RAD50: variants seen among roughly 807,000 people sequenced by gnomAD.
The protein encoded by RAD50 is RAD50 double strand break repair protein, also known as DNA repair protein RAD50.
Under a neutral mutation model 168.8 loss-of-function variants are expected in RAD50, and 132 were observed. That is an observed-to-expected ratio of 0.78 (90% CI 0.68 to 0.90). The LOEUF (loss-of-function observed/expected upper bound fraction) is 0.90, where lower values mean the gene tolerates loss of function less well. RAD50 is among the 40% of genes least tolerant of loss of function. The pLI is 0.00. For missense variants in RAD50, 1,347 were observed against 1,534.4 expected, an observed-to-expected ratio of 0.88 and a Z score of 2.04; for synonymous variants, 525 against 497.4, an observed-to-expected ratio of 1.06 and a Z score of -0.74.
At chr5:132,616,893 A>G (rs1751186971) in intron 20 of RAD50, among the ~76,000 whole-genome samples, 2 of 152,228 alleles carry the variant, frequency 1.3e-5, no homozygotes, top group Non-Finnish European at 2.9e-5. Context: ...AGGCTTTTCT[A>G]AAGGATATAG....
chr5:132,595,802 G>A lies in RAD50; in HGVS notation c.2199G>A (p.Val733=). The A allele has an allele frequency of 6.2e-7, 1 of 1,602,596 alleles. No homozygotes were observed. The highest frequency in any genetic ancestry group is 8.5e-7 in the Non-Finnish European group (1 of 1,172,964). The part of the protein sequence containing the change: ...EKRRDEMLGL[V]PMRQSIIDLK... ...GGCGTGATGAAATGCTGGGACTTGT[G>A]CCCATGAGGTAAGAATGGGATTTAC... is the stretch of plus-strand genomic sequence containing the variant. The change falls in exon 13 of 25, where the codon GTG becomes GTA. Residue 733 remains valine, a synonymous_variant. Transcript: ENST00000378823.
intron 11 of RAD50, chr5:132,593,266 A>G (rs1454723416): frequency 5.9e-6 from 1 of 169,764 alleles, no homozygotes; most frequent in African/African-American, 2.4e-5. Flanking sequence ...GGCTCTTTTC[A>G]AACTGATGTC....
intron 13 of RAD50, among the ~76,000 whole-genome samples, chr5:132,596,849 G>T (rs920476276): frequency 1.3e-5 from 2 of 152,214 alleles, no homozygotes; most frequent in African/African-American, 2.4e-5. Context: ...TGAGAATGAG[G>T]CAGGAAGAGG....
chr5:132,561,768 C>T (rs957872284), intron 2 of RAD50, among the ~76,000 whole-genome samples: 1 of 152,174 alleles, frequency 6.6e-6, no homozygotes, highest in African/African-American at 2.4e-5. Flanking sequence ...CCTACATTCT[C>T]AGCTCTGTTA....
intron 2 of RAD50, among the ~76,000 whole-genome samples, chr5:132,572,746 A>G (rs6884249): frequency 0.011 from 1,610 of 152,326 alleles, 34 homozygotes; most frequent in African/African-American, 0.037. Flanking sequence ...TTGAGCAGAA[A>G]GTACAGTTTC....
In RAD50 at chr5:132,642,882, T is replaced by C; in HGVS notation, c.*518T>C. The C allele has an allele frequency of 2.5e-6, 1 of 400,746 alleles. No homozygotes were observed. Among genetic ancestry groups the C allele is most frequent in the South Asian group, 2.3e-5 (1 of 44,288 alleles). 24.8% of individuals were successfully genotyped at this position (400,746 alleles called of 1,614,324 possible). The stretch of plus-strand genomic sequence containing the variant: ...TTATAAATCCAGTGACCTCTCTCTC[T>C]GGGACTTGGTTTCCCCAACTAAAAT... On this transcript the variant is annotated 3_prime_UTR_variant, in exon 25 of 25. Transcript: ENST00000378823.
chr5:132,598,017 G>A (rs925992558), intron 13 of RAD50, among the ~76,000 whole-genome samples: 7 of 151,014 alleles, frequency 4.6e-5, no homozygotes, highest in East Asian at 1.9e-4. Context: ...AATTAACATC[G>A]TATTATATTT....
intron 21 of RAD50, among the ~76,000 whole-genome samples, chr5:132,631,224 G>A (rs758627766): frequency 4.0e-5 from 6 of 150,064 alleles, no homozygotes; most frequent in East Asian, 2.0e-4. Context: ...AGGTTCAAGC[G>A]ATCCTCCTGC....
chr5:132,621,505 C>G (rs1340597646), intron 21 of RAD50, among the ~76,000 whole-genome samples: 1 of 152,170 alleles, frequency 6.6e-6, no homozygotes, highest in Non-Finnish European at 1.5e-5. Context: ...TTAAATCCCA[C>G]TCCTCCCTTC....
At chr5:132,632,838 A>G (rs1751500380) in intron 21 of RAD50, among the ~76,000 whole-genome samples, 1 of 152,156 alleles carries the variant, frequency 6.6e-6, no homozygotes, top group African/African-American at 2.4e-5. Context: ...CTGACATTTT[A>G]TTGGCTGCAC....
At chr5:132,620,170 G>C (rs544147459) in intron 21 of RAD50, among the ~76,000 whole-genome samples, 1 of 152,298 alleles carries the variant, frequency 6.6e-6, no homozygotes, top group African/African-American at 2.4e-5. Context: ...CTCCCAAAGT[G>C]CTGGGATTAC....
In RAD50 at chr5:132,559,488, C is replaced by T. The variant is rs1561628340; in HGVS notation, c.213+121C>T. The T allele has an allele frequency of 1.1e-5, 11 of 959,248 alleles. 1 individual carries two copies. In the South Asian group the frequency reaches 1.8e-4, roughly 15 times the overall value. 59.4% of individuals were successfully genotyped at this position (959,248 alleles called of 1,614,324 possible). ...GAAAGTCAGCCCCACACAGTTTTAG[C>T]ACCCAGTAGTAACCGTTGTTGACAT... On this transcript the variant is annotated intron_variant, in intron 2 of 24. Coordinates refer to ENST00000378823, the MANE Select transcript of RAD50 (RefSeq NM_005732.4).
chr5:132,583,841 G>A (rs1008868322), intron 5 of RAD50, among the ~76,000 whole-genome samples: 4 of 151,758 alleles, frequency 2.6e-5, no homozygotes, highest in South Asian at 2.1e-4. Context: ...TTACAGGCAT[G>A]TGCCACCATA....
In RAD50 at chr5:132,604,107, T is replaced by G. The variant is rs1290560263; in HGVS notation, c.2524+61T>G. 2.5e-6 allele frequency: 4 copies of G among 1,583,872 alleles called. No individual in the cohort carries two copies. In the East Asian group the frequency reaches 9.0e-5, roughly 36 times the overall value. On this transcript the variant is annotated intron_variant, in intron 15 of 24. Coordinates refer to ENST00000378823, the MANE Select transcript of RAD50 (RefSeq NM_005732.4). The stretch of plus-strand genomic sequence containing the variant: ...CTTTGACATTGCGAGCACATGCCTT[T>G]TACAGTCAATTTTATATCTGTTACA...
At chr5:132,583,762 C>T (rs373626505) in intron 5 of RAD50, among the ~76,000 whole-genome samples, 4 of 146,256 alleles carry the variant, frequency 2.7e-5, no homozygotes, top group South Asian at 2.2e-4. Context: ...GGCATGATCT[C>T]GGCTCACTGC....
At chr5:132,578,346 G>T (rs1192937860) in intron 3 of RAD50, among the ~76,000 whole-genome samples, 1 of 152,002 alleles carries the variant, frequency 6.6e-6, no homozygotes, top group Non-Finnish European at 1.5e-5. Context: ...TGAGACCTAT[G>T]AATTTAATCT....
chr5:132,594,770 A>T, intron 11 of RAD50, 99 bp from the exon 12 acceptor site: 2 of 1,251,828 alleles, frequency 1.6e-6, no homozygotes, highest in Non-Finnish European at 2.3e-6. Flanking sequence ...AACTCTTGTC[A>T]TGATTTGTTG....
chr5:132,622,811 A>G (rs935031791), intron 21 of RAD50, among the ~76,000 whole-genome samples: 1 of 152,134 alleles, frequency 6.6e-6, no homozygotes, highest in African/African-American at 2.4e-5. Flanking sequence ...TTTTTCTATG[A>G]GACTCCCTTG....
At position 132,643,784 on chromosome 5, in the gene RAD50, A is replaced by G. The variant is rs1581026514; in HGVS notation, c.*1420A>G. The G allele has an allele frequency of 4.3e-6, 1 of 230,684 alleles. No homozygotes were observed. The highest frequency in any genetic ancestry group is 8.6e-6 in the Non-Finnish European group (1 of 116,410). 14.3% of individuals were successfully genotyped at this position (230,684 alleles called of 1,614,324 possible). On this transcript the variant is annotated 3_prime_UTR_variant, in exon 25 of 25. Transcript: ENST00000378823. ...TTAAGAGCAAATCAATTCTAGTCAT[A>G]TATTAAACATCCACAATAACCAAGA... is the stretch of plus-strand genomic sequence containing the variant.
Sources: allele counts gnomAD v4.1 joint callset (sites outside exome capture counted in the v4.1 genomes callset), GRCh38; gene constraint gnomAD v4.1.1; transcripts MANE v1.5; gene names NCBI Gene and HGNC (gene_info 2026-07-23, HGNC 2026-07-21).